Variants in PCDHGA6 observed in about 807,000 individuals in gnomAD.
PCDHGA6 encodes protocadherin gamma-A6.
A neutral mutation model predicts 60.6 loss-of-function variants in PCDHGA6; 41 were observed. The ratio of observed to expected loss-of-function variants is 0.68; its 90% CI spans 0.53 to 0.88. PCDHGA6 has a LOEUF of 0.88. PCDHGA6 is among the 40% of genes least tolerant of loss of function. The pLI, the probability that PCDHGA6 is intolerant of heterozygous loss-of-function variation, is 0.00. For synonymous variants in PCDHGA6, 594 were observed against 524.4 expected, an observed-to-expected ratio of 1.13 and a Z score of -1.81; for missense variants, 1,312 against 1,203.0, an observed-to-expected ratio of 1.09 and a Z score of -1.34.
At position 141,505,489 on chromosome 5, in the gene PCDHGA6, G is replaced by A. The variant is rs759637750; in HGVS notation, c.2572+8G>A. On this transcript the variant is annotated splice_region_variant and intron_variant, in intron 3 of 3. Coordinates refer to ENST00000517434, the MANE Select transcript of PCDHGA6 (RefSeq NM_018919.3). ...TCTTGGCGTCCGCCAGTGGTAAGTG[G>A]TGTCAGTGTGTGTATGGAAGAGTGG... The A allele has an allele frequency of 6.2e-7, 1 of 1,614,218 alleles. No homozygotes were observed. The highest frequency in any genetic ancestry group is 1.7e-5 in the Admixed American group (1 of 60,032).
chr5:141,446,854 C>T (rs1474444931), intron 1 of PCDHGA6, among the ~76,000 whole-genome samples: 1 of 152,134 alleles, frequency 6.6e-6, no homozygotes, highest in Non-Finnish European at 1.5e-5. Context: ...AATAAGCTTC[C>T]TGATAGCTCT....
At chr5:141,415,259 T>C (rs778452630) in intron 1 of PCDHGA6, 1 of 1,614,108 alleles carries the variant, frequency 6.2e-7, no homozygotes, top group Non-Finnish European at 8.5e-7. Flanking sequence ...GACCTCACTC[T>C]GTACCTGGTG....
At chr5:141,390,407 G>A in intron 1 of PCDHGA6, 1 of 1,265,446 alleles carries the variant, frequency 7.9e-7, no homozygotes, top group Non-Finnish European at 1.1e-6. Flanking sequence ...TAGGAAAGTT[G>A]TAGTCAGTTA....
intron 1 of PCDHGA6, chr5:141,441,162 G>T (rs1009205566): frequency 6.6e-6 from 1 of 152,166 alleles, no homozygotes; most frequent in African/African-American, 2.4e-5. Context: ...TCCTAGAGGC[G>T]ATTTTTACTT....
chr5:141,433,228 C>G (rs2097577964), intron 1 of PCDHGA6: 7 of 1,522,184 alleles, frequency 4.6e-6, no homozygotes, highest in Non-Finnish European at 5.4e-6. Flanking sequence ...TTTAATTGCT[C>G]TGTCTCCCAA....
chr5:141,376,180 G>A lies in PCDHGA6; in HGVS notation c.2097G>A (p.Ala699=), dbSNP rs113596971. 1.2e-6 allele frequency: 2 copies of A among 1,614,100 alleles called. No homozygotes were observed. The highest frequency in any genetic ancestry group is 8.5e-7 in the Non-Finnish European group (1 of 1,180,014). Residue 699 remains alanine, a synonymous_variant, in exon 1 of 4, where the codon GCG becomes GCA. Transcript: ENST00000517434. ...LTLYLVVAVA[A]VSCVFLAFVI... is the part of the protein sequence containing the mutation. ...TGTACCTGGTGGTGGCGGTGGCCGC[G>A]GTCTCCTGCGTCTTCCTGGCCTTCG...
chr5:141,470,680 T>C (rs1212361233), intron 1 of PCDHGA6, among the ~76,000 whole-genome samples: 1 of 152,090 alleles, frequency 6.6e-6, no homozygotes, highest in Non-Finnish European at 1.5e-5. Context: ...GCTGTTACCA[T>C]CTTGAAATTC....
At chr5:141,384,891 G>A in intron 1 of PCDHGA6, 1 of 1,613,876 alleles carries the variant, frequency 6.2e-7, no homozygotes, top group Non-Finnish European at 8.5e-7. Flanking sequence ...CCGTGGCTGT[G>A]GCTGACAGCA....
rs748431130 is a variant in PCDHGA6 at position 141,374,406 on chromosome 5, T to C, written c.323T>C (p.Ile108Thr). Residue 108 changes from isoleucine (I) to threonine (T), a missense_variant, in exon 1 of 4, where the codon ATC (isoleucine) becomes ACC (threonine). Coordinates refer to ENST00000517434, the MANE Select transcript of PCDHGA6 (RefSeq NM_018919.3). ...QSPRCLVSFNILVEDKLNLYP... is the reference protein window; with the variant it reads ...QSPRCLVSFNTLVEDKLNLYP... ...CCGCGGTGTCTGGTGAGTTTTAACA[T>C]CCTTGTCGAGGATAAACTGAATCTT... The C allele has an allele frequency of 5.0e-6, 8 of 1,614,018 alleles. No individual in the cohort carries two copies. The highest frequency in any genetic ancestry group is 6.8e-6 in the Non-Finnish European group (8 of 1,179,884).
rs143779180 is a variant in PCDHGA6, at chr5:141,485,438, C to T, written c.2425-9369C>T. Reference sequence around the variant, plus strand: ...CAGCGGAGCCCTGCTCATCAAGAACCCAATCGACCGAGAGGCACTGTGTGG... The same window carrying T: ...CAGCGGAGCCCTGCTCATCAAGAACTCAATCGACCGAGAGGCACTGTGTGG... On this transcript the variant is annotated intron_variant, in intron 1 of 3. Transcript: ENST00000517434. This position sits in a 1 kb window ranked among gnomAD's most constrained non-coding sequence, Gnocchi z 5.7. 2.9e-5 allele frequency: 47 copies of T among 1,614,052 alleles called. No individual in the cohort carries two copies. The highest frequency in any genetic ancestry group is 4.0e-5 in the African/African-American group (3 of 74,924).
intron 1 of PCDHGA6, chr5:141,468,346 AAAAG>A (rs2099164910): frequency 6.8e-6 from 1 of 147,210 alleles, no homozygotes; most frequent in South Asian, 2.2e-4. Flanking sequence ...AAAAAAAAAA[AAAAG>A]AAAGAAAAAA....
At chr5:141,413,858 G>A (rs751172785) in intron 1 of PCDHGA6, 28 of 1,613,140 alleles carry the variant, frequency 1.7e-5, no homozygotes, top group African/African-American at 4.0e-5. Context: ...CTCCGATCTG[G>A]CACTGTCCTT....
Position 141,490,731 on chromosome 5 carries a change from G to A in PCDHGA6, c.2425-4076G>A, listed in dbSNP as rs139283997. The A allele has an allele frequency of 6.8e-6, 11 of 1,614,080 alleles. No homozygotes were observed. In the African/African-American group the frequency reaches 1.1e-4, roughly 16 times the overall value. Reference sequence around the variant, plus strand: ...TCACCTACTCCATTGTAGGAAATCAGGTTCAGGGAGCCCCAGCCTCCTCCT... The same window carrying A: ...TCACCTACTCCATTGTAGGAAATCAAGTTCAGGGAGCCCCAGCCTCCTCCT... On this transcript the variant is annotated intron_variant, in intron 1 of 3. Transcript: ENST00000517434. The surrounding 1 kb of genome is among the most constrained non-coding windows in gnomAD (Gnocchi z 5.4).
In PCDHGA6 at chr5:141,491,198, A is replaced by T. The variant is rs1344758185; in HGVS notation, c.2425-3609A>T. ...GTGGTCCTGGTGAGGGACAATGGTG[A>T]CCCTTCACTCTCCTCCACAGCCACA... On this transcript the variant is annotated intron_variant, in intron 1 of 3. Coordinates refer to ENST00000517434, the MANE Select transcript of PCDHGA6 (RefSeq NM_018919.3). This position sits in a 1 kb window ranked among gnomAD's most constrained non-coding sequence, Gnocchi z 6.9. 1.2e-6 allele frequency: 2 copies of T among 1,613,912 alleles called. No individual in the cohort carries two copies. The highest frequency in any genetic ancestry group is 1.3e-5 in the African/African-American group (1 of 74,866).
At chr5:141,471,860 A>G (rs1470502617) in intron 1 of PCDHGA6, among the ~76,000 whole-genome samples, 1 of 152,202 alleles carries the variant, frequency 6.6e-6, no homozygotes, top group Non-Finnish European at 1.5e-5. Flanking sequence ...AAAAAGCAAA[A>G]CTGTGGTTGC....
Position 141,511,015 on chromosome 5 carries a change from C to T in PCDHGA6, c.2641C>T (p.Pro881Ser), listed in dbSNP as rs1430257603. The T allele has an allele frequency of 1.2e-6, 2 of 1,614,106 alleles. No homozygotes were observed. The highest frequency in any genetic ancestry group is 1.3e-5 in the African/African-American group (1 of 74,936). The stretch of plus-strand genomic sequence containing the variant: ...CATGGGATTGAGCGCCCGCTACGGA[C>T]CCCAGTTCACCCTGCAGCACGTGCC... ...GTMGLSARYG[P>S]QFTLQHVPDY... Residue 881 changes from proline (P) to serine (S), a missense_variant, in exon 4 of 4, where the codon CCC (proline) becomes TCC (serine). Coordinates refer to ENST00000517434, the MANE Select transcript of PCDHGA6 (RefSeq NM_018919.3).
At chr5:141,415,342 T>C (rs1305683222) in intron 1 of PCDHGA6, 2 of 1,614,108 alleles carry the variant, frequency 1.2e-6, no homozygotes, top group African/African-American at 2.7e-5. Context: ...GCTGCGGCGC[T>C]GGCACAAGTC....
chr5:141,399,213 T>C (rs2093770836), intron 1 of PCDHGA6: 1 of 1,613,852 alleles, frequency 6.2e-7, no homozygotes, highest in Non-Finnish European at 8.5e-7. Context: ...GAACACTAAT[T>C]GCTTTGATCA....
Position 141,478,910 on chromosome 5 carries a change from A to G in PCDHGA6, c.2425-15897A>G, listed in dbSNP as rs568573298. On this transcript the variant is annotated intron_variant, in intron 1 of 3. Transcript: ENST00000517434. ...ATTTACATTAGGAATAAGCTGCTGG[A>G]TACCTCTAACCAGTGGCAGCTTCTA... 5.3e-4 allele frequency: 474 copies of G among 893,806 alleles called. 7 individuals are homozygous for G. The South Asian group carries it at 6.8e-3, about 13-fold the overall frequency. 55.4% of individuals were successfully genotyped at this position (893,806 alleles called of 1,614,324 possible).
Sources: allele counts gnomAD v4.1 joint callset (sites outside exome capture counted in the v4.1 genomes callset), GRCh38; gene constraint gnomAD v4.1.1; non-coding constraint Gnocchi (gnomAD v3.1); transcripts MANE v1.5; gene names NCBI Gene and HGNC (gene_info 2026-07-23, HGNC 2026-07-21).